Variants in DLL3 observed in about 807,000 individuals in gnomAD.
The protein encoded by DLL3 is delta like canonical Notch ligand 3.
Under a neutral mutation model 55.0 loss-of-function variants are expected in DLL3, and 49 were observed. The ratio of observed to expected loss-of-function variants is 0.89; its 90% confidence interval spans 0.71 to 1.13. DLL3 has a LOEUF of 1.13. Among genes scored for constraint, DLL3 ranks in the 50% most tolerant of loss-of-function variants. The pLI is 0.00. For missense variants in DLL3, 962 were observed against 875.5 expected (o/e 1.10, Z -1.25); for synonymous variants, 421 against 385.2 (o/e 1.09, Z -1.09).
At chr19:39,505,778 A>C in intron 6 of DLL3, 1 of 349,402 alleles carries the variant, frequency 2.9e-6, no homozygotes, top group Non-Finnish European at 5.5e-6. Context: ...GGTTATACTG[A>C]GATGAGGTCA....
chr19:39,500,262 T>TAA (rs34900598), intron 2 of DLL3, among the ~76,000 whole-genome samples: 1,796 of 134,976 alleles, frequency 0.013, 17 homozygotes, highest in Middle Eastern at 0.027. Context: ...ACCTCGTTTC[T>TAA]AAAAAAAAAA....
At position 39,499,347 on chromosome 19, in the gene DLL3, C is replaced by A. The variant is rs764815909; in HGVS notation, c.225C>A (p.Ser75=). 3 of 1,554,136 alleles carry A rather than the reference C, an allele frequency of 1.9e-6. No individual in the cohort carries two copies. The highest frequency in any genetic ancestry group is 1.2e-5 in the South Asian group (1 of 85,616). The part of the protein sequence containing the change: ...KPGLSEEAAE[S]PCALGAALSA... ...GGCTCTCAGAGGAGGCCGCCGAGTCCCCGTGCGCCCTGGGCGCGGCGCTGA... is the reference window on the plus strand; with the variant it reads ...GGCTCTCAGAGGAGGCCGCCGAGTCACCGTGCGCCCTGGGCGCGGCGCTGA... Residue 75 remains serine, a synonymous_variant, in exon 2 of 9, where the codon TCC becomes TCA. Transcript: ENST00000356433.
chr19:39,503,150 A>C, intron 4 of DLL3, 93 bp downstream of exon 4: 6 of 1,338,576 alleles, frequency 4.5e-6, no homozygotes, highest in East Asian at 2.9e-5. Flanking sequence ...CTCACAACCC[A>C]CTCACCCTCT....
Position 39,498,957 on chromosome 19 carries a change from C to T in DLL3, c.-18C>T. 2.5e-6 allele frequency: 4 copies of T among 1,613,226 alleles called. No homozygotes were observed. The highest frequency in any genetic ancestry group is 3.4e-6 in the Non-Finnish European group (4 of 1,179,602). On this transcript the variant is annotated 5_prime_UTR_variant, in exon 1 of 9. Transcript: ENST00000356433. ...AAGCCAGCAGCTGCGACTCCCGAGACCCCCCCACCAGAAGGCCATGGTCTC... is the reference window on the plus strand; with the variant it reads ...AAGCCAGCAGCTGCGACTCCCGAGATCCCCCCACCAGAAGGCCATGGTCTC...
intron 4 of DLL3, 127 bp downstream of exon 4, chr19:39,503,184 C>A (rs1041201325): frequency 3.0e-6 from 3 of 1,012,288 alleles, no homozygotes; most frequent in Non-Finnish European, 4.0e-6. Context: ...GAGTCCCCCA[C>A]CATGTACCCC....
At chr19:39,503,278 T>C (rs1313270371) in intron 4 of DLL3, among the ~76,000 whole-genome samples, 1 of 152,172 alleles carries the variant, frequency 6.6e-6, no homozygotes, top group African/African-American at 2.4e-5. Context: ...GCTGCCACCT[T>C]CGGAGAAACT....
Position 39,507,634 on chromosome 19 carries a change from A to G in DLL3, c.1673+16A>G. 6.2e-7 allele frequency: 1 copy of G among 1,600,384 alleles called. No individual in the cohort carries two copies. Among genetic ancestry groups the G allele is most frequent in the East Asian group, 2.3e-5 (1 of 44,094 alleles). The stretch of plus-strand genomic sequence containing the variant: ...ATGGTCCGAGGTGAGGGGCTGCGCC[A>G]CAGACGAACGCCTTGCGCTGCTGGC... On this transcript the variant is annotated intron_variant, in intron 7 of 8. Transcript: ENST00000356433.
chr19:39,500,383 G>A lies in DLL3; in HGVS notation c.352-232G>A, dbSNP rs12981954. 0.28 allele frequency among the ~76,000 whole-genome samples: 40,757 copies of A among 146,690 alleles called. 6,141 individuals are homozygous for A. Among genetic ancestry groups the A allele is most frequent in the Middle Eastern group, 0.41 (116 of 286 alleles). ...GGTTGTTGCAGTGAGCCAAGATTGC[G>A]CCAGTGCACTCCAGCCTGGTTGACA... is the stretch of plus-strand genomic sequence containing the variant. On this transcript the variant is annotated intron_variant, in intron 2 of 8. Coordinates refer to ENST00000356433, the MANE Select transcript of DLL3 (RefSeq NM_203486.3).
rs1299492138 is a variant in DLL3, at chr19:39,502,980, G to A, written c.575G>A (p.Arg192His). The change falls in exon 4 of 9, where the codon CGT becomes CAT. Residue 192 changes from arginine to histidine, a missense_variant. Coordinates refer to ENST00000356433, the MANE Select transcript of DLL3 (RefSeq NM_203486.3). ...AVGTACTRLC[R>H]PRSAPSRCGP... ...GGGACCGCGTGCACGCGCCTCTGCC[G>A]TCCGCGCAGCGCCCCCTCGCGGTGC... The A allele has an allele frequency of 2.0e-6, 3 of 1,482,652 alleles. No homozygotes were observed. The highest frequency in any genetic ancestry group is 2.9e-5 in the East Asian group (1 of 34,872). The allele number at this position is 1,482,652 out of a possible 1,614,324, so 91.8% of individuals were successfully genotyped here. A position where few individuals can be genotyped will look rare whatever the true frequency, so the allele number is the denominator to read the frequency against.
Position 39,498,968 on chromosome 19 carries a change from GA to G in DLL3, c.-5del, listed in dbSNP as rs1247689770. ...TGCGACTCCCGAGACCCCCCCACCA[GA>G]AGGCCATGGTCTCCCCACGGATGTC... is the stretch of plus-strand genomic sequence containing the variant. On this transcript the variant is annotated 5_prime_UTR_variant, in exon 1 of 9. Transcript: ENST00000356433. 6.2e-7 allele frequency: 1 copy of G among 1,613,704 alleles called. No homozygotes were observed. Among genetic ancestry groups the G allele is most frequent in the Admixed American group, 1.7e-5 (1 of 59,972 alleles).
intron 5 of DLL3, among the ~76,000 whole-genome samples, chr19:39,504,624 T>C (rs1180331270): frequency 6.6e-6 from 1 of 151,874 alleles, no homozygotes; most frequent in Admixed American, 6.6e-5. Flanking sequence ...GGTTGGAGAT[T>C]TGGGATCTGC....
chr19:39,503,451 T>C (rs973928570), intron 4 of DLL3, among the ~76,000 whole-genome samples: 3 of 152,280 alleles, frequency 2.0e-5, no homozygotes, highest in African/African-American at 7.2e-5. Context: ...ATGCTAGGAC[T>C]CCAAAGCTCT....
rs1413528260 is a variant in DLL3 at position 39,507,543 on chromosome 19, C to T, written c.1598C>T (p.Pro533Leu). ...GGGTCTCGCTTGCTGGCTGGGACCCCGGAGCCGTCAGTCCACGCACTCCCG... is the reference window on the plus strand; with the variant it reads ...GGGTCTCGCTTGCTGGCTGGGACCCTGGAGCCGTCAGTCCACGCACTCCCG... ...DAGSRLLAGT[P>L]EPSVHALPDA... is the part of the protein sequence containing the mutation. Residue 533 changes from proline to leucine, a missense_variant, in exon 7 of 9, where the codon CCG (proline) becomes CTG (leucine). Transcript: ENST00000356433. The T allele has an allele frequency of 1.9e-6, 3 of 1,606,308 alleles. No homozygotes were observed. Among genetic ancestry groups the T allele is most frequent in the Admixed American group, 1.7e-5 (1 of 59,182 alleles).
intron 4 of DLL3, among the ~76,000 whole-genome samples, chr19:39,503,818 G>A (rs540156636): frequency 6.6e-6 from 1 of 152,156 alleles, no homozygotes; most frequent in South Asian, 2.1e-4. Flanking sequence ...ACTCCAGCCC[G>A]ATGGCCTGGG....
At chr19:39,506,324 G>A (rs977315143) in intron 6 of DLL3, among the ~76,000 whole-genome samples, 5 of 144,646 alleles carry the variant, frequency 3.5e-5, no homozygotes, top group Admixed American at 2.8e-4. Flanking sequence ...CCGAGATCGC[G>A]CCACTGCACT....
chr19:39,499,291 C>A lies in DLL3; in HGVS notation c.169C>A (p.Arg57Ser). Residue 57 changes from arginine (R) to serine (S), a missense_variant, in exon 2 of 9, where the codon CGC becomes AGC. Coordinates refer to ENST00000356433, the MANE Select transcript of DLL3 (RefSeq NM_203486.3). ...RSPCSARLPCRLFFRVCLKPG... is the reference protein window; with the variant it reads ...RSPCSARLPCSLFFRVCLKPG... ...CCCCTGCAGCGCCCGGCTCCCCTGC[C>A]GCCTCTTCTTCAGAGTCTGCCTGAA... The A allele has an allele frequency of 7.1e-6, 11 of 1,542,418 alleles. No homozygotes were observed. Among genetic ancestry groups the A allele is most frequent in the Non-Finnish European group, 9.6e-6 (11 of 1,148,168 alleles).
chr19:39,505,551 G>A (rs1369744241), intron 6 of DLL3, 100 bp downstream of exon 6: 1 of 1,364,022 alleles, frequency 7.3e-7, no homozygotes, highest in South Asian at 1.3e-5. Flanking sequence ...TCTAACCCTA[G>A]GGCCTGGGGA....
Position 39,500,367 on chromosome 19 carries a change from A to C in DLL3, c.352-248A>C, listed in dbSNP as rs1403352907. Among the ~76,000 whole-genome samples the C allele has an allele frequency of 2.0e-5, 3 of 149,618 alleles. No homozygotes were observed. In the Admixed American group the frequency reaches 2.0e-4, roughly 10 times the overall value. On this transcript the variant is annotated intron_variant, in intron 2 of 8. Coordinates refer to ENST00000356433, the MANE Select transcript of DLL3 (RefSeq NM_203486.3). ...TTGCTTGAGCCTCGGAGGTTGTTGC[A>C]GTGAGCCAAGATTGCGCCAGTGCAC...
chr19:39,507,134 G>C lies in DLL3; in HGVS notation c.1189G>C (p.Gly397Arg), dbSNP rs985766992. The change falls in exon 7 of 9, where the codon GGC (glycine) becomes CGC (arginine). Residue 397 changes from glycine to arginine, a missense_variant. Transcript: ENST00000356433. ...CGAGCACGACCTGGACGACTGCGCG[G>C]GCCGCGCCTGCGCTAACGGCGGCAC... The part of the protein sequence containing the change: ...RCEHDLDDCA[G>R]RACANGGTCV... The C allele has an allele frequency of 6.6e-6, 10 of 1,517,204 alleles. No homozygotes were observed. Among genetic ancestry groups the C allele is most frequent in the African/African-American group, 1.4e-5 (1 of 70,448 alleles). The allele number at this position is 1,517,204 out of a possible 1,614,324, so 94.0% of individuals were successfully genotyped here.
Sources: gnomAD v4.1 joint callset for allele counts (sites outside exome capture counted in the v4.1 genomes callset) on GRCh38, gnomAD v4.1.1 for gene constraint, MANE v1.5 for transcripts, NCBI Gene and HGNC (gene_info 2026-07-23, HGNC 2026-07-21) for gene names.